The following PLD5 variants were observed in gnomAD, a reference collection of about 807,000 sequenced individuals.
PLD5 encodes the protein phospholipase D family member 5.
A neutral mutation model predicts 61.1 loss-of-function variants in PLD5; 36 were observed. That is an observed-to-expected ratio of 0.59 (90% CI 0.45 to 0.78). The LOEUF (loss-of-function observed/expected upper bound fraction) is 0.78, where lower values mean the gene tolerates loss of function less well. PLD5 is among the 30% of genes least tolerant of loss of function. PLD5 has a pLI of 0.00. For missense variants in PLD5, 515 were observed against 644.4 expected, an observed-to-expected ratio of 0.80 and a Z score of 2.17; for synonymous variants, 243 against 242.8, an observed-to-expected ratio of 1.00 and a Z score of -0.01.
intron 5 of PLD5, among the ~76,000 whole-genome samples, chr1:242,163,177 T>C (rs1446726367): frequency 2.0e-5 from 3 of 147,336 alleles, no homozygotes; most frequent in Non-Finnish European, 3.0e-5. Context: ...GGAGTCTCAC[T>C]CTGTCACCCA....
intron 1 of PLD5, among the ~76,000 whole-genome samples, chr1:242,431,200 C>A (rs369828837): frequency 1.3e-5 from 2 of 152,354 alleles, no homozygotes; most frequent in African/African-American, 4.8e-5. Flanking sequence ...AACTGGAACT[C>A]TGCATGCATT....
At chr1:242,159,550 G>A (rs1383657289) in intron 5 of PLD5, among the ~76,000 whole-genome samples, 1 of 152,082 alleles carries the variant, frequency 6.6e-6, no homozygotes, top group African/African-American at 2.4e-5. Flanking sequence ...GGTTCTCCGA[G>A]GTGGGGTACG....
Position 242,320,405 on chromosome 1 carries a change from C to T in PLD5, c.326+27701G>A, listed in dbSNP as rs1398707707. 1.4e-3 allele frequency among the ~76,000 whole-genome samples: 215 copies of T among 152,252 alleles called. 1 individual carries two copies. The highest frequency in any genetic ancestry group is 2.2e-3 in the Non-Finnish European group (153 of 68,030). ...TGCCATGAAAGTGGTGGAGGCAGCCCGGCAGAGCTAGCTACATCTTCAGGA... is the reference window on the plus strand; with the variant it reads ...TGCCATGAAAGTGGTGGAGGCAGCCTGGCAGAGCTAGCTACATCTTCAGGA... On this transcript the variant is annotated intron_variant, in intron 2 of 9. Transcript: ENST00000536534.
chr1:242,521,278 G>C (rs1361467316), intron 1 of PLD5, among the ~76,000 whole-genome samples: 1 of 152,112 alleles, frequency 6.6e-6, no homozygotes, highest in Non-Finnish European at 1.5e-5. Context: ...ACTAATTCAG[G>C]TCATTTTTTT....
At chr1:242,202,529 A>G (rs74150841) in intron 5 of PLD5, among the ~76,000 whole-genome samples, 1,616 of 152,248 alleles carry the variant, frequency 0.011, 28 homozygotes, top group African/African-American at 0.037. Context: ...ATCCCTGGGA[A>G]GGGACCATCC....
chr1:242,435,785 A>G (rs1665966948), intron 1 of PLD5, among the ~76,000 whole-genome samples: 1 of 152,212 alleles, frequency 6.6e-6, no homozygotes, highest in African/African-American at 2.4e-5. Flanking sequence ...GGTAATGAGA[A>G]TGTACTTACT....
At chr1:242,377,554 T>A in intron 1 of PLD5, 2 of 546,622 alleles carry the variant, frequency 3.7e-6, no homozygotes, top group Non-Finnish European at 6.6e-6. Context: ...TACGATTTCA[T>A]ACTCTAGATA....
At chr1:242,148,557 C>T (rs1664703499) in intron 5 of PLD5, among the ~76,000 whole-genome samples, 1 of 151,802 alleles carries the variant, frequency 6.6e-6, no homozygotes, top group Non-Finnish European at 1.5e-5. Flanking sequence ...TTGCATTGAA[C>T]CTATTGCTCA....
chr1:242,524,443 G>A lies in PLD5; in HGVS notation c.-167C>T, dbSNP rs1024299976. The A allele has an allele frequency of 3.4e-6, 2 of 592,128 alleles. No homozygotes were observed. The highest frequency in any genetic ancestry group is 4.0e-5 in the African/African-American group (2 of 50,528). 36.7% of individuals were successfully genotyped at this position (592,128 alleles called of 1,614,324 possible). A position where few individuals can be genotyped will look rare whatever the true frequency, so the allele number is the denominator to read the frequency against. ...GGGCGCGGGGAGCGCGGGGTGCTGA[G>A]CGCCAGCTGGGAGCGCGGCCGGGCG... On this transcript the variant is annotated 5_prime_UTR_variant, in exon 1 of 10. Transcript: ENST00000536534.
chr1:242,187,315 C>A (rs770976667), intron 5 of PLD5, among the ~76,000 whole-genome samples: 1 of 152,274 alleles, frequency 6.6e-6, no homozygotes, highest in South Asian at 2.1e-4. Flanking sequence ...ATGAGGCAAC[C>A]AACATGAGGA....
chr1:242,282,803 G>A (rs1190017763), intron 3 of PLD5, among the ~76,000 whole-genome samples: 1 of 152,052 alleles, frequency 6.6e-6, no homozygotes, highest in East Asian at 1.9e-4. Context: ...CAATCAAGAT[G>A]TCCCAGGAAT....
At chr1:242,170,013 A>T (rs1666627567) in intron 5 of PLD5, among the ~76,000 whole-genome samples, 1 of 152,234 alleles carries the variant, frequency 6.6e-6, no homozygotes. Flanking sequence ...CAGCTTCAAC[A>T]GACTTAAACG....
rs528042552 is a variant in PLD5, at chr1:242,347,602, A to G, written c.326+504T>C. Among the ~76,000 whole-genome samples, 325 of 152,222 alleles carry G rather than the reference A, an allele frequency of 2.1e-3. 2 individuals carry two copies. Among genetic ancestry groups the G allele is most frequent in the African/African-American group, 7.4e-3 (308 of 41,474 alleles). The stretch of plus-strand genomic sequence containing the variant: ...AATGCATACATAAACCTGTAAAGCT[A>G]TTGTAGTTTCTAGATTAAAAACAAA... On this transcript the variant is annotated intron_variant, in intron 2 of 9. Transcript: ENST00000536534.
At chr1:242,163,215 C>G (rs1203817470) in intron 5 of PLD5, among the ~76,000 whole-genome samples, 1 of 150,298 alleles carries the variant, frequency 6.7e-6, no homozygotes, top group East Asian at 2.0e-4. Context: ...GCGATCTCGG[C>G]TCACTGCAAG....
In PLD5 at chr1:242,302,823, TTTC is replaced by T. The variant is rs531402759; in HGVS notation, c.327-14296_327-14294del. The stretch of plus-strand genomic sequence containing the variant: ...TGTACATGTAAGCTTCTGTTTGTTT[TTTC>T]TTCTTCTTAATCTGCCTTTTGGAGC... On this transcript the variant is annotated intron_variant, in intron 2 of 9. Transcript: ENST00000536534. Among the ~76,000 whole-genome samples, 653 of 152,350 alleles carry T rather than the reference TTTC, an allele frequency of 4.3e-3. 4 individuals are homozygous for T. Among genetic ancestry groups the T allele is most frequent in the Non-Finnish European group, 5.7e-3 (387 of 68,044 alleles).
At chr1:242,263,084 A>G (rs527778962) in intron 4 of PLD5, among the ~76,000 whole-genome samples, 3 of 152,204 alleles carry the variant, frequency 2.0e-5, no homozygotes, top group East Asian at 3.9e-4. Context: ...AACAGGAATG[A>G]CCTGCACACC....
chr1:242,490,091 T>C (rs1668095118), intron 1 of PLD5, among the ~76,000 whole-genome samples: 1 of 152,190 alleles, frequency 6.6e-6, no homozygotes, highest in African/African-American at 2.4e-5. Context: ...TGAAGCTTCC[T>C]CTCCACACAG....
intron 2 of PLD5, among the ~76,000 whole-genome samples, chr1:242,329,167 C>T (rs1659015713): frequency 6.6e-6 from 1 of 152,074 alleles, no homozygotes; most frequent in African/African-American, 2.4e-5. Flanking sequence ...GCTGCCACCA[C>T]ACCTGGCTAA....
intron 5 of PLD5, among the ~76,000 whole-genome samples, chr1:242,195,252 G>T (rs1211682233): frequency 1.3e-5 from 2 of 152,196 alleles, no homozygotes; most frequent in African/African-American, 4.8e-5. Context: ...GTCCTGGAGA[G>T]TTCCGCATCT....
Sources: allele counts gnomAD v4.1 joint callset (sites outside exome capture counted in the v4.1 genomes callset), GRCh38; gene constraint gnomAD v4.1.1; transcripts MANE v1.5; gene names NCBI Gene and HGNC (gene_info 2026-07-23, HGNC 2026-07-21).